CNTNAP2: variants seen among roughly 807,000 people sequenced by gnomAD.
CNTNAP2 encodes contactin-associated protein-like 2.
Under a neutral mutation model 155.2 loss-of-function variants are expected in CNTNAP2, and 98 were observed. The ratio of observed to expected loss-of-function variants is 0.63; its 90% CI spans 0.54 to 0.75. CNTNAP2 has a LOEUF of 0.75. CNTNAP2 is among the 30% of genes least tolerant of loss of function. The probability of loss-of-function intolerance (pLI) is 0.00; values close to 1 mark genes in which losing one functional copy is unlikely to be tolerated. For synonymous variants in CNTNAP2, 651 were observed against 631.2 expected (o/e 1.03, Z -0.47); for missense variants, 1,727 against 1,688.1 (o/e 1.02, Z -0.40).
chr7:146,300,502 C>T (rs1800589030), intron 1 of CNTNAP2, among the ~76,000 whole-genome samples: 1 of 151,942 alleles, frequency 6.6e-6, no homozygotes, highest in Non-Finnish European at 1.5e-5. Context: ...GAACAGCTTA[C>T]TAAAAACAGC....
intron 16 of CNTNAP2, among the ~76,000 whole-genome samples, chr7:148,127,769 C>T (rs1476539790): frequency 6.6e-6 from 1 of 152,166 alleles, no homozygotes; most frequent in Non-Finnish European, 1.5e-5. Flanking sequence ...TTCCACTTAA[C>T]TGGGCTGTTG....
chr7:146,753,770 A>G (rs1371220569), intron 1 of CNTNAP2, among the ~76,000 whole-genome samples: 2 of 151,836 alleles, frequency 1.3e-5, no homozygotes. Flanking sequence ...GTTCTCTTGT[A>G]TTTTTCTCAG....
chr7:146,442,557 C>T (rs1353644994), intron 1 of CNTNAP2, among the ~76,000 whole-genome samples: 1 of 151,688 alleles, frequency 6.6e-6, no homozygotes, highest in Non-Finnish European at 1.5e-5. Flanking sequence ...AGGTCAAAAA[C>T]TCTGTGTTGA....
chr7:146,246,425 A>T lies in CNTNAP2; in HGVS notation c.97+129452A>T, dbSNP rs375225273. On this transcript the variant is annotated intron_variant, in intron 1 of 23. Coordinates refer to ENST00000361727, the MANE Select transcript of CNTNAP2 (RefSeq NM_014141.6). ...TTAAAAGAGTATTGTCTAAGTTGGC[A>T]TGAGAGTGGGGGTTTTAAGAGGTTT... Among the ~76,000 whole-genome samples the T allele has an allele frequency of 1.2e-3, 186 of 150,482 alleles. 7 individuals are homozygous for T. Among genetic ancestry groups the T allele is most frequent in the African/African-American group, 4.5e-3 (180 of 39,890 alleles).
intron 1 of CNTNAP2, among the ~76,000 whole-genome samples, chr7:146,178,104 G>A (rs1403294366): frequency 6.6e-6 from 1 of 152,068 alleles, no homozygotes; most frequent in South Asian, 2.1e-4. Context: ...CGTGATCTCG[G>A]CTCACTGCAA....
intron 2 of CNTNAP2, among the ~76,000 whole-genome samples, chr7:146,794,664 T>G (rs1193037705): frequency 6.6e-6 from 1 of 152,090 alleles, no homozygotes; most frequent in African/African-American, 2.4e-5. Flanking sequence ...ATTAAAAAAC[T>G]AAGGCCTATC....
intron 21 of CNTNAP2, among the ~76,000 whole-genome samples, chr7:148,309,810 G>C (rs1417815914): frequency 6.6e-6 from 1 of 152,102 alleles, no homozygotes; most frequent in Non-Finnish European, 1.5e-5. Flanking sequence ...CTTAGCCTTG[G>C]GCTCAGAGGC....
chr7:147,819,311 C>G (rs149614317), intron 13 of CNTNAP2, among the ~76,000 whole-genome samples: 3 of 152,048 alleles, frequency 2.0e-5, no homozygotes, highest in African/African-American at 7.2e-5. Context: ...TTTTGTCCAC[C>G]TTCCTGATGT....
At chr7:146,262,738 GT>G (rs1387979513) in intron 1 of CNTNAP2, among the ~76,000 whole-genome samples, 2 of 152,140 alleles carry the variant, frequency 1.3e-5, no homozygotes, top group Admixed American at 1.3e-4. Context: ...TGATGTCATT[GT>G]TTTAGTCGCT....
chr7:147,243,870 G>A (rs1297325819), intron 8 of CNTNAP2, among the ~76,000 whole-genome samples: 2 of 152,048 alleles, frequency 1.3e-5, no homozygotes, highest in Admixed American at 6.6e-5. Context: ...TTACTATCTA[G>A]TTGGCACCAA....
intron 1 of CNTNAP2, among the ~76,000 whole-genome samples, chr7:146,283,286 T>C (rs1800277967): frequency 6.6e-6 from 1 of 152,218 alleles, no homozygotes; most frequent in Non-Finnish European, 1.5e-5. Flanking sequence ...ATGAAACAGA[T>C]CAGACAATTC....
chr7:147,305,254 C>T (rs1286002785), intron 9 of CNTNAP2, among the ~76,000 whole-genome samples: 3 of 152,100 alleles, frequency 2.0e-5, no homozygotes, highest in Admixed American at 6.5e-5. Flanking sequence ...AAGGCAAAAA[C>T]GAGCTAACCA....
intron 15 of CNTNAP2, among the ~76,000 whole-genome samples, chr7:148,021,938 G>C (rs1802286079): frequency 6.6e-6 from 1 of 152,044 alleles, no homozygotes; most frequent in African/African-American, 2.4e-5. Context: ...GCACTACTTC[G>C]CTGCCTCCGT....
chr7:147,060,298 T>G (rs542274649), intron 4 of CNTNAP2, among the ~76,000 whole-genome samples: 1 of 152,316 alleles, frequency 6.6e-6, no homozygotes, highest in African/African-American at 2.4e-5. Context: ...ATAAACTGTG[T>G]TGAACAGCCA....
At chr7:147,809,679 C>T (rs936349455) in intron 13 of CNTNAP2, among the ~76,000 whole-genome samples, 1 of 152,168 alleles carries the variant, frequency 6.6e-6, no homozygotes, top group Non-Finnish European at 1.5e-5. Flanking sequence ...CAGTTATTGG[C>T]TCCACAACTA....
intron 13 of CNTNAP2, among the ~76,000 whole-genome samples, chr7:147,696,200 T>C (rs1393711640): frequency 6.6e-6 from 1 of 152,204 alleles, no homozygotes. Context: ...GTAGTTCAAT[T>C]AATATCTATA....
chr7:146,394,603 T>G lies in CNTNAP2; in HGVS notation c.97+277630T>G, dbSNP rs564610811. Among the ~76,000 whole-genome samples the G allele has an allele frequency of 2.6e-5, 4 of 152,228 alleles. No homozygotes were observed. In the South Asian group the frequency reaches 8.3e-4, roughly 32 times the overall value. ...GTTAAAGGAGGCAAACTGAGAGTAT[T>G]TAAATAAAGTTTACTTGCTATATTT... On this transcript the variant is annotated intron_variant, in intron 1 of 23. Coordinates refer to ENST00000361727, the MANE Select transcript of CNTNAP2 (RefSeq NM_014141.6).
Position 147,531,763 on chromosome 7 carries a change from G to T in CNTNAP2, c.1778-30375G>T, listed in dbSNP as rs371387284. 7.3e-5 allele frequency among the ~76,000 whole-genome samples: 11 copies of T among 151,662 alleles called. No homozygotes were observed. In the South Asian group the frequency reaches 1.9e-3, roughly 26 times the overall value. On this transcript the variant is annotated intron_variant, in intron 11 of 23. Transcript: ENST00000361727. ...CTCCTTGCTGGTTATGCAAATTTCT[G>T]CAGCCGGCTTGAATTTCTCCCCAGA...
intron 1 of CNTNAP2, among the ~76,000 whole-genome samples, chr7:146,447,673 CA>C (rs1459957968): frequency 1.3e-5 from 2 of 151,782 alleles, no homozygotes; most frequent in Non-Finnish European, 2.9e-5. Context: ...TCAGGTTTAA[CA>C]ATTTGATGAA....
Sources: allele counts gnomAD v4.1 joint callset (sites outside exome capture counted in the v4.1 genomes callset), GRCh38; gene constraint gnomAD v4.1.1; transcripts MANE v1.5; gene names NCBI Gene and HGNC (gene_info 2026-07-23, HGNC 2026-07-21).